Variants in ZDHHC8 observed in about 807,000 individuals in gnomAD.
ZDHHC8 encodes zDHHC palmitoyltransferase 8, also known as palmitoyltransferase ZDHHC8.
A neutral mutation model predicts 61.2 loss-of-function variants in ZDHHC8; 24 were observed. That is an observed-to-expected ratio of 0.39 (90% CI 0.28 to 0.55). ZDHHC8 has a LOEUF of 0.55. ZDHHC8 is among the 20% of genes least tolerant of loss of function. The pLI is 0.60. For synonymous variants in ZDHHC8, 523 were observed against 492.5 expected (o/e 1.06, Z -0.82); for missense variants, 935 against 1,102.1 (o/e 0.85, Z 2.15).
intron 1 of ZDHHC8, among the ~76,000 whole-genome samples, chr22:20,133,932 G>A (rs1042264881): frequency 6.6e-6 from 1 of 152,286 alleles, no homozygotes; most frequent in African/African-American, 2.4e-5. Context: ...GGCCCTTTAC[G>A]TGACTCTGAC....
chr22:20,141,566 T>C (rs986006910), intron 9 of ZDHHC8, 36 bp downstream of exon 9: 1 of 1,541,152 alleles, frequency 6.5e-7, no homozygotes. Flanking sequence ...GCAGGCCTCG[T>C]CCCCCAGGCC....
chr22:20,142,863 T>C lies in ZDHHC8; in HGVS notation c.1233T>C (p.His411=). ...CTGACTATGGGCCAGGGGGCCTGCA[T>C]GCAGCCTACCCGCCATCCCCACCGC... ...DLPDYGPGGL[H]AAYPPSPPLS... is the part of the protein sequence containing the mutation. The change falls in exon 10 of 11, where the codon CAT becomes CAC. Residue 411 remains histidine (H), a synonymous_variant. Coordinates refer to ENST00000334554, the MANE Select transcript of ZDHHC8 (RefSeq NM_013373.4). 1 of 1,612,340 alleles carries C rather than the reference T, an allele frequency of 6.2e-7. No individual in the cohort carries two copies. The highest frequency in any genetic ancestry group is 8.5e-7 in the Non-Finnish European group (1 of 1,179,826).
intron 1 of ZDHHC8, among the ~76,000 whole-genome samples, chr22:20,137,363 G>A (rs1463051446): frequency 1.3e-5 from 2 of 152,224 alleles, no homozygotes; most frequent in African/African-American, 4.8e-5. Context: ...CAAGGCCCCC[G>A]TTAGGGCCAG....
chr22:20,145,606 C>G lies in ZDHHC8; in HGVS notation c.*206C>G. On this transcript the variant is annotated 3_prime_UTR_variant, in exon 11 of 11. Coordinates refer to ENST00000334554, the MANE Select transcript of ZDHHC8 (RefSeq NM_013373.4). ...ACTCATCTGCCCATGGGGAAGTCGG[C>G]TCACTGGGACAAGGGCCACTGGGCT... 8.1e-7 allele frequency: 1 copy of G among 1,231,810 alleles called. No individual in the cohort carries two copies. Among genetic ancestry groups the G allele is most frequent in the Non-Finnish European group, 1.0e-6 (1 of 984,016 alleles). The allele number at this position is 1,231,810 out of a possible 1,614,324, so 76.3% of individuals were successfully genotyped here. A position where few individuals can be genotyped will look rare whatever the true frequency, so the allele number is the denominator to read the frequency against.
At chr22:20,141,959 T>C (rs2050474967) in intron 9 of ZDHHC8, among the ~76,000 whole-genome samples, 1 of 152,204 alleles carries the variant, frequency 6.6e-6, no homozygotes, top group Admixed American at 6.5e-5. Flanking sequence ...AGAAAGCACA[T>C]TTCTCTTCCC....
At position 20,143,349 on chromosome 22, in the gene ZDHHC8, C is replaced by T. The variant is rs201737088; in HGVS notation, c.1719C>T (p.Phe573=). 94 of 1,585,604 alleles carry T rather than the reference C, an allele frequency of 5.9e-5. No individual in the cohort carries two copies. Among genetic ancestry groups the T allele is most frequent in the African/African-American group, 1.7e-4 (13 of 74,432 alleles). ...TGCGCTCCCAGGCCGACTCACTCTT[C>T]GGCGACTCAGGCGTCTATGACGCTC... is the stretch of plus-strand genomic sequence containing the variant. ...RLLRSQADSL[F]GDSGVYDAPS... Residue 573 remains phenylalanine, a synonymous_variant, in exon 10 of 11, where the codon TTC becomes TTT. Coordinates refer to ENST00000334554, the MANE Select transcript of ZDHHC8 (RefSeq NM_013373.4).
chr22:20,137,604 C>T (rs934053017), intron 1 of ZDHHC8, among the ~76,000 whole-genome samples: 7 of 152,236 alleles, frequency 4.6e-5, no homozygotes, highest in South Asian at 2.1e-4. Flanking sequence ...ATAAGGGGCC[C>T]GCAGTTTCAT....
At position 20,143,104 on chromosome 22, in the gene ZDHHC8, G is replaced by T; in HGVS notation, c.1474G>T (p.Ala492Ser). Residue 492 changes from alanine to serine, a missense_variant, in exon 10 of 11, where the codon GCC becomes TCC. Ala to Ser is a moderately conservative substitution (Grantham distance 99). This residue lies in a region of ZDHHC8 where 692 missense variants were observed against 731.4 expected (regional missense o/e 0.95). Transcript: ENST00000334554. ...CAATCCTGGCTCGCCTGGTGGCCAC[G>T]CCTGCCCTGCCCACCCAGCAGTTGG... ...LLNPGSPGGHACPAHPAVGVA... is the reference protein window; with the variant it reads ...LLNPGSPGGHSCPAHPAVGVA... 6.2e-7 allele frequency: 1 copy of T among 1,612,268 alleles called. No homozygotes were observed. The highest frequency in any genetic ancestry group is 8.5e-7 in the Non-Finnish European group (1 of 1,179,850).
In ZDHHC8 at chr22:20,146,717, A is replaced by G. The variant is rs1602579449; in HGVS notation, c.*1317A>G. ...TGGCAGTGACAGGGTGTTTGGGGGAAAGACTTGGGTCTGCCGCTACCCACA... is the reference window on the plus strand; with the variant it reads ...TGGCAGTGACAGGGTGTTTGGGGGAGAGACTTGGGTCTGCCGCTACCCACA... On this transcript the variant is annotated 3_prime_UTR_variant, in exon 11 of 11. Transcript: ENST00000334554. The G allele has an allele frequency of 8.7e-7, 1 of 1,150,032 alleles. No individual in the cohort carries two copies. 71.2% of individuals were successfully genotyped at this position (1,150,032 alleles called of 1,614,324 possible).
intron 10 of ZDHHC8, 87 bp from the exon 11 acceptor site, chr22:20,145,142 G>T: frequency 1.6e-6 from 2 of 1,241,356 alleles, no homozygotes; most frequent in Non-Finnish European, 1.1e-6. Context: ...CGTCCGCGTC[G>T]TCTCTGTCTT....
intron 5 of ZDHHC8, 95 bp from the exon 6 acceptor site, chr22:20,140,521 CA>C: frequency 1.5e-6 from 2 of 1,295,156 alleles, no homozygotes; most frequent in Non-Finnish European, 2.1e-6. Context: ...CCGCAAGTAT[CA>C]GCTTCTAAGG....
chr22:20,138,089 C>T (rs1016574969), intron 1 of ZDHHC8, among the ~76,000 whole-genome samples: 7 of 152,266 alleles, frequency 4.6e-5, no homozygotes, highest in African/African-American at 1.7e-4. Context: ...GCGGGGCTGG[C>T]TCTTGGCCAG....
intron 7 of ZDHHC8, 26 bp downstream of exon 7, chr22:20,141,038 C>A: frequency 6.2e-7 from 1 of 1,609,086 alleles, no homozygotes; most frequent in Non-Finnish European, 8.5e-7. Flanking sequence ...TAGGGATGGG[C>A]TGGCAGTCAG....
chr22:20,145,406 G>A lies in ZDHHC8; in HGVS notation c.*6G>A. The A allele has an allele frequency of 6.6e-7, 1 of 1,514,138 alleles. No homozygotes were observed. The highest frequency in any genetic ancestry group is 1.2e-5 in the South Asian group (1 of 80,318). The allele number at this position is 1,514,138 out of a possible 1,614,324, so 93.8% of individuals were successfully genotyped here. On this transcript the variant is annotated 3_prime_UTR_variant, in exon 11 of 11. Transcript: ENST00000334554. Reference sequence around the variant, plus strand: ...CCTACGAGATCTCGGTGTGAGGACTGACTGCCACACATCCGCCATGGTGCC... The same window carrying A: ...CCTACGAGATCTCGGTGTGAGGACTAACTGCCACACATCCGCCATGGTGCC...
rs2050536639 is a variant in ZDHHC8 at position 20,147,244 on chromosome 22, T to G, written c.*1844T>G. 1.4e-6 allele frequency: 2 copies of G among 1,431,702 alleles called. No individual in the cohort carries two copies. The highest frequency in any genetic ancestry group is 1.8e-6 in the Non-Finnish European group (2 of 1,089,958). 88.7% of individuals were successfully genotyped at this position (1,431,702 alleles called of 1,614,324 possible). On this transcript the variant is annotated 3_prime_UTR_variant, in exon 11 of 11. Transcript: ENST00000334554. ...CTCGGGGCCCTAGCAGGATGACAAG[T>G]AGGCGGCTCTGGGGCCCAGGACAGC...
rs10686766 is a variant in ZDHHC8, at chr22:20,147,573, T to TTG, written c.*2173_*2174insTG. 18,133 of 119,772 alleles carry TTG rather than the reference T, an allele frequency of 0.15. 1,319 individuals carry two copies. The highest frequency in any genetic ancestry group is 0.21 in the Non-Finnish European group (11,480 of 55,278). The allele number at this position is 119,772 out of a possible 1,614,324, so 7.4% of individuals were successfully genotyped here. A position where few individuals can be genotyped will look rare whatever the true frequency, so the allele number is the denominator to read the frequency against. ...CCAGGCCTCCGTGGGTTGGGCTGGG[T>TTG]GGGGGGGGGGTCTCAGGTTGCCCCT... On this transcript the variant is annotated 3_prime_UTR_variant, in exon 11 of 11. Transcript: ENST00000334554.
chr22:20,141,336 T>A lies in ZDHHC8; in HGVS notation c.1014T>A (p.Ala338=), dbSNP rs748598018. 9 of 1,612,050 alleles carry A rather than the reference T, an allele frequency of 5.6e-6. No individual in the cohort carries two copies. The highest frequency in any genetic ancestry group is 6.8e-6 in the Non-Finnish European group (8 of 1,179,488). The change falls in exon 8 of 11, where the codon GCT becomes GCA. Residue 338 remains alanine (A), a splice_region_variant and synonymous_variant. Transcript: ENST00000334554. ...SDLQTPRPGS[A]ESALSVQRTS... is the part of the protein sequence containing the mutation. ...TGCAGACCCCGCGCCCAGGCAGTGC[T>A]GGTGAGGTTGGGGCAGCCACGACTA... is the stretch of plus-strand genomic sequence containing the variant.
At chr22:20,134,219 C>T (rs2050401831) in intron 1 of ZDHHC8, among the ~76,000 whole-genome samples, 1 of 152,242 alleles carries the variant, frequency 6.6e-6, no homozygotes, top group African/African-American at 2.4e-5. Context: ...GTGCAGTGGC[C>T]ACCTAGCAAG....
intron 1 of ZDHHC8, among the ~76,000 whole-genome samples, chr22:20,133,982 G>C (rs1936172351): frequency 6.6e-6 from 1 of 152,210 alleles, no homozygotes; most frequent in South Asian, 2.1e-4. Context: ...GTGCTTGGGT[G>C]GCTCCCACTC....
Sources: gnomAD v4.1 joint callset for allele counts (sites outside exome capture counted in the v4.1 genomes callset) on GRCh38, gnomAD v4.1.1 for gene constraint, gnomAD v4.1.1 regional missense constraint, MANE v1.5 for transcripts, NCBI Gene and HGNC (gene_info 2026-07-23, HGNC 2026-07-21) for gene names.